The following SAMMSON variants were observed in gnomAD, a reference collection of about 807,000 sequenced individuals.
SAMMSON encodes long intergenic non-protein coding RNA 1212.
chr3:70,285,827 C>G (rs747272587), intron 6 of SAMMSON, among the ~76,000 whole-genome samples: 13 of 152,166 alleles, frequency 8.5e-5, no homozygotes, highest in Non-Finnish European at 1.8e-4. Flanking sequence ...AGCATTTAAT[C>G]ATGTGTTTTT....
chr3:70,066,082 G>C (rs554288067), intron 3 of SAMMSON, among the ~76,000 whole-genome samples: 1 of 152,184 alleles, frequency 6.6e-6, no homozygotes, highest in Non-Finnish European at 1.5e-5. Context: ...GACATCTGTT[G>C]CAGTATTGTC....
intron 4 of SAMMSON, among the ~76,000 whole-genome samples, chr3:70,237,278 G>A (rs1412124316): frequency 2.0e-5 from 3 of 152,160 alleles, no homozygotes. Context: ...ATATTCTCCA[G>A]TGCGGATACA....
At chr3:70,381,233 C>T (rs1703065555) in intron 9 of SAMMSON, among the ~76,000 whole-genome samples, 1 of 152,086 alleles carries the variant, frequency 6.6e-6, no homozygotes, top group South Asian at 2.1e-4. Context: ...CCTGCCTTTC[C>T]CCTGTGAGCT....
chr3:70,278,844 A>G (rs916894505), intron 6 of SAMMSON, among the ~76,000 whole-genome samples: 98 of 152,072 alleles, frequency 6.4e-4, no homozygotes, highest in African/African-American at 2.4e-3. Context: ...AAGCCACCTC[A>G]AATCAAAGGG....
At chr3:70,337,949 A>G (rs1702678385) in intron 7 of SAMMSON, among the ~76,000 whole-genome samples, 1 of 151,780 alleles carries the variant, frequency 6.6e-6, no homozygotes, top group Admixed American at 6.6e-5. Flanking sequence ...TAATTTACAG[A>G]TCCCCAAATT....
At chr3:70,376,859 T>C (rs1348180747) in intron 9 of SAMMSON, among the ~76,000 whole-genome samples, 1 of 152,192 alleles carries the variant, frequency 6.6e-6, no homozygotes, top group East Asian at 1.9e-4. Context: ...GGCATCATGC[T>C]GCCCATATCA....
chr3:70,060,305 T>C (rs980126249), intron 3 of SAMMSON, among the ~76,000 whole-genome samples: 2 of 152,060 alleles, frequency 1.3e-5, no homozygotes, highest in Non-Finnish European at 2.9e-5. Context: ...GGAATTATTA[T>C]AAAGTCTGTG....
intron 2 of SAMMSON, among the ~76,000 whole-genome samples, chr3:70,420,918 A>T (rs985114695): frequency 6.8e-5 from 10 of 146,216 alleles, no homozygotes; most frequent in Non-Finnish European, 1.5e-5. Context: ...ACAGAGCCAG[A>T]TGTAAGATAA....
intron 7 of SAMMSON, among the ~76,000 whole-genome samples, chr3:70,319,556 A>T (rs912055121): frequency 2.0e-5 from 3 of 152,116 alleles, no homozygotes; most frequent in African/African-American, 7.2e-5. Flanking sequence ...TGTGACGGGC[A>T]GACACAGCCT....
chr3:70,137,049 A>C (rs2106678135), intron 4 of SAMMSON, among the ~76,000 whole-genome samples: 1 of 152,270 alleles, frequency 6.6e-6, no homozygotes, highest in South Asian at 2.1e-4. Context: ...TAGACACAAA[A>C]CCAAAAGCTA....
intron 4 of SAMMSON, among the ~76,000 whole-genome samples, chr3:70,197,561 C>A (rs1390845841): frequency 6.6e-6 from 1 of 152,174 alleles, no homozygotes; most frequent in African/African-American, 2.4e-5. Context: ...ATACAAGGGG[C>A]TTAAGAAGCA....
intron 9 of SAMMSON, among the ~76,000 whole-genome samples, chr3:70,358,586 A>T (rs1383975864): frequency 6.6e-6 from 1 of 152,166 alleles, no homozygotes; most frequent in Non-Finnish European, 1.5e-5. Context: ...GAAGTGGCAT[A>T]TAGGAGTTGT....
chr3:70,393,598 A>G (rs1165981260), downstream of SAMMSON, among the ~76,000 whole-genome samples: 1 of 152,178 alleles, frequency 6.6e-6, no homozygotes, highest in Non-Finnish European at 1.5e-5. Context: ...GGTTTGTGAT[A>G]AAAGCTTCTA....
chr3:70,039,797 C>T (rs1286382940), intron 3 of SAMMSON, among the ~76,000 whole-genome samples: 1 of 151,906 alleles, frequency 6.6e-6, no homozygotes, highest in Non-Finnish European at 1.5e-5. Flanking sequence ...ACTGGGTGCA[C>T]CAGCAAGGAA....
intron 4 of SAMMSON, among the ~76,000 whole-genome samples, chr3:70,248,236 T>C (rs1701727121): frequency 6.6e-6 from 1 of 152,072 alleles, no homozygotes; most frequent in South Asian, 2.1e-4. Context: ...AAACATAGTA[T>C]ATTGTATAGA....
chr3:70,092,023 C>A (rs1227608315), intron 4 of SAMMSON, among the ~76,000 whole-genome samples: 1 of 152,010 alleles, frequency 6.6e-6, no homozygotes, highest in Non-Finnish European at 1.5e-5. Flanking sequence ...GAACCTGAAA[C>A]CACTAATATC....
At chr3:70,385,791 A>G (rs948664884) in intron 9 of SAMMSON, among the ~76,000 whole-genome samples, 2 of 152,106 alleles carry the variant, frequency 1.3e-5, no homozygotes, top group Non-Finnish European at 2.9e-5. Flanking sequence ...TAAGCTCCTA[A>G]AGTACAGATA....
intron 4 of SAMMSON, among the ~76,000 whole-genome samples, chr3:70,231,526 A>C (rs1701560004): frequency 1.3e-5 from 2 of 152,150 alleles, no homozygotes; most frequent in Non-Finnish European, 2.9e-5. Context: ...CCAAATTCCA[A>C]AATTCTGGTC....
chr3:70,266,040 C>T (rs1309026017), intron 6 of SAMMSON, among the ~76,000 whole-genome samples: 2 of 152,252 alleles, frequency 1.3e-5, no homozygotes, highest in East Asian at 3.9e-4. Context: ...AAAAAGTTTG[C>T]TTATTCAGAA....
Sources: allele counts gnomAD v4.1 joint callset (sites outside exome capture counted in the v4.1 genomes callset), GRCh38; gene constraint gnomAD v4.1.1; transcripts MANE v1.5; gene names NCBI Gene and HGNC (gene_info 2026-07-23, HGNC 2026-07-21).